ADGB: variants seen among roughly 807,000 people sequenced by gnomAD.
The protein encoded by ADGB is calpain-7-like protein.
ADGB carries 172 observed loss-of-function variants against 210.5 expected under a neutral mutation model. The ratio of observed to expected loss-of-function variants is 0.82; its 90% CI spans 0.72 to 0.93. The LOEUF (loss-of-function observed/expected upper bound fraction) is 0.93, where lower values mean the gene tolerates loss of function less well. Among genes scored for constraint, ADGB ranks in the 40% least tolerant of loss-of-function variants. The pLI, the probability that ADGB is intolerant of heterozygous loss-of-function variation, is 0.00. For synonymous variants in ADGB, 658 were observed against 662.7 expected (o/e 0.99, Z 0.11); for missense variants, 2,025 against 1,964.8 (o/e 1.03, Z -0.58).
intron 2 of ADGB, 139 bp downstream of exon 2, chr6:146,635,676 C>G (rs1775409529): frequency 9.2e-6 from 8 of 868,942 alleles, no homozygotes; most frequent in Non-Finnish European, 1.6e-6. Flanking sequence ...TCTATCAGCC[C>G]CACCTCCCAA....
chr6:146,733,848 G>T, intron 21 of ADGB, 45 bp from the exon 22 acceptor site: 4 of 1,549,838 alleles, frequency 2.6e-6, no homozygotes, highest in Non-Finnish European at 3.5e-6. Context: ...TTAGGGAAGG[G>T]ATTAAATATA....
chr6:146,620,949 C>G (rs934769954), intron 1 of ADGB, among the ~76,000 whole-genome samples: 1 of 152,098 alleles, frequency 6.6e-6, no homozygotes, highest in African/African-American at 2.4e-5. Flanking sequence ...ACTTTTACTA[C>G]TTAGTATTGA....
At chr6:146,723,118 A>T (rs915249903) in intron 17 of ADGB, among the ~76,000 whole-genome samples, 1 of 152,190 alleles carries the variant, frequency 6.6e-6, no homozygotes, top group African/African-American at 2.4e-5. Flanking sequence ...GGTGGCTAGA[A>T]AATACTTGTT....
chr6:146,623,247 T>C (rs1483263790), intron 1 of ADGB, among the ~76,000 whole-genome samples: 1 of 152,014 alleles, frequency 6.6e-6, no homozygotes, highest in African/African-American at 2.4e-5. Flanking sequence ...ATTGAGATTA[T>C]CTCAAACCTG....
intron 35 of ADGB, among the ~76,000 whole-genome samples, chr6:146,807,138 CT>C (rs1778223405): frequency 1.3e-5 from 2 of 152,014 alleles, no homozygotes; most frequent in South Asian, 4.1e-4. Flanking sequence ...AACAGAATAC[CT>C]TTGGTAAAAA....
At chr6:146,727,013 G>A (rs1776904930) in intron 19 of ADGB, among the ~76,000 whole-genome samples, 1 of 151,794 alleles carries the variant, frequency 6.6e-6, no homozygotes, top group South Asian at 2.1e-4. Context: ...CTTCTGTTCT[G>A]ACGGGGTCTG....
At chr6:146,630,232 C>T (rs574321018) in intron 1 of ADGB, among the ~76,000 whole-genome samples, 8 of 151,300 alleles carry the variant, frequency 5.3e-5, no homozygotes, top group Non-Finnish European at 1.0e-4. Context: ...AGTGAAACTC[C>T]GTCAAAAAAT....
At chr6:146,728,177 G>C (rs572160497) in intron 19 of ADGB, among the ~76,000 whole-genome samples, 1 of 152,032 alleles carries the variant, frequency 6.6e-6, no homozygotes, top group Admixed American at 6.6e-5. Flanking sequence ...GCAGGAGAGA[G>C]CCACCAGCCC....
At chr6:146,745,415 T>C (rs1418315364) in intron 25 of ADGB, among the ~76,000 whole-genome samples, 2 of 152,236 alleles carry the variant, frequency 1.3e-5, no homozygotes, top group African/African-American at 4.8e-5. Flanking sequence ...AAAGAGCTCA[T>C]CCTCAATCAC....
chr6:146,649,613 C>T (rs2114877219), intron 3 of ADGB, among the ~76,000 whole-genome samples: 1 of 151,830 alleles, frequency 6.6e-6, no homozygotes, highest in South Asian at 2.1e-4. Flanking sequence ...ACCTTAGCCT[C>T]CCAAGTTGCT....
intron 1 of ADGB, among the ~76,000 whole-genome samples, chr6:146,626,656 T>G (rs768651758): frequency 6.6e-6 from 1 of 151,982 alleles, no homozygotes; most frequent in South Asian, 2.1e-4. Flanking sequence ...TTTTTTCCTC[T>G]GCATATAATG....
chr6:146,704,673 G>A (rs1215477850), intron 13 of ADGB, among the ~76,000 whole-genome samples: 1 of 151,876 alleles, frequency 6.6e-6, no homozygotes, highest in Non-Finnish European at 1.5e-5. Context: ...TATGCTGTTT[G>A]GGTTACTATA....
chr6:146,794,200 G>A (rs1249579393), intron 33 of ADGB, among the ~76,000 whole-genome samples: 1 of 152,178 alleles, frequency 6.6e-6, no homozygotes, highest in Non-Finnish European at 1.5e-5. Flanking sequence ...TTGTAAGGAG[G>A]CAGATATAGG....
At chr6:146,767,983 AG>A (rs1777600903) in intron 28 of ADGB, among the ~76,000 whole-genome samples, 1 of 152,228 alleles carries the variant, frequency 6.6e-6, no homozygotes, top group Non-Finnish European at 1.5e-5. Context: ...CTTTAATAAT[AG>A]CAGCAACAAA....
intron 2 of ADGB, among the ~76,000 whole-genome samples, chr6:146,643,320 G>A (rs553970192): frequency 1.3e-5 from 2 of 151,888 alleles, no homozygotes; most frequent in South Asian, 2.1e-4. Context: ...GGCCACACCG[G>A]CCTTAGGGTA....
intron 1 of ADGB, among the ~76,000 whole-genome samples, chr6:146,621,707 C>T (rs1780898539): frequency 6.6e-6 from 1 of 152,032 alleles, no homozygotes; most frequent in Non-Finnish European, 1.5e-5. Flanking sequence ...AGTGATGATG[C>T]TTAGGATCTT....
rs548530320 is a variant in ADGB, at chr6:146,782,772, CAGGGCCAGT to C, written c.4035+581_4035+589del. On this transcript the variant is annotated intron_variant, in intron 30 of 35. Coordinates refer to ENST00000397944, the MANE Select transcript of ADGB (RefSeq NM_024694.4). ...CAGAGGTTATGAGTCTAAACTCCTT[CAGGGCCAGT>C]TAGAAAATTGCCATGATTAGGGGTA... is the stretch of plus-strand genomic sequence containing the variant. Among the ~76,000 whole-genome samples, 26 of 152,178 alleles carry C rather than the reference CAGGGCCAGT, an allele frequency of 1.7e-4. 1 individual carries two copies. The South Asian group carries it at 5.4e-3, about 32-fold the overall frequency.
intron 16 of ADGB, 125 bp from the exon 17 acceptor site, chr6:146,721,278 T>C: frequency 3.2e-6 from 2 of 623,978 alleles, no homozygotes; most frequent in Non-Finnish European, 5.7e-6. Context: ...AAGTATTTAT[T>C]GTGGTGCCTA....
Position 146,716,934 on chromosome 6 carries a change from G to A in ADGB, c.1793G>A (p.Gly598Glu). 4 of 1,551,496 alleles carry A rather than the reference G, an allele frequency of 2.6e-6. No individual in the cohort carries two copies. The highest frequency in any genetic ancestry group is 3.5e-6 in the Non-Finnish European group (4 of 1,146,874). The change falls in exon 15 of 36, where the codon GGA becomes GAA. Residue 598 changes from glycine to glutamate, a missense_variant. Physicochemically the swap from Gly to Glu is moderately conservative, Grantham distance 98. Transcript: ENST00000397944. Reference sequence around the variant, plus strand: ...TTGGGTGATGCTCATCAGAGTGATGGATTAAACTTGGAAAGAGAGATAGTC... The same window carrying A: ...TTGGGTGATGCTCATCAGAGTGATGAATTAAACTTGGAAAGAGAGATAGTC... ...FGLGDAHQSD[G>E]LNLEREIVSQ...
Sources: gnomAD v4.1 joint callset for allele counts (sites outside exome capture counted in the v4.1 genomes callset) on GRCh38, gnomAD v4.1.1 for gene constraint, MANE v1.5 for transcripts, NCBI Gene and HGNC (gene_info 2026-07-23, HGNC 2026-07-21) for gene names.